NEBL: variants seen among roughly 807,000 people sequenced by gnomAD.
NEBL encodes LIM and SH3 protein 2.
A neutral mutation model predicts 140.2 loss-of-function variants in NEBL; 122 were observed. That is an observed-to-expected ratio of 0.87 (90% CI 0.75 to 1.01). The LOEUF (loss-of-function observed/expected upper bound fraction) is 1.01. Among genes scored for constraint, NEBL ranks in the 50% least tolerant of loss-of-function variants. The pLI is 0.00. For synonymous variants in NEBL, 436 were observed against 398.9 expected (o/e 1.09, Z -1.11); for missense variants, 1,365 against 1,231.3 (o/e 1.11, Z -1.62).
At chr10:20,842,162 T>C (rs1841463933) in intron 12 of NEBL, among the ~76,000 whole-genome samples, 1 of 152,098 alleles carries the variant, frequency 6.6e-6, no homozygotes, top group Non-Finnish European at 1.5e-5. Flanking sequence ...CCATTATAAT[T>C]AAATTAGCCT....
chr10:21,269,926 TG>T (rs1198363036), intron 1 of NEBL, among the ~76,000 whole-genome samples: 2 of 152,216 alleles, frequency 1.3e-5, no homozygotes, highest in African/African-American at 4.8e-5. Flanking sequence ...AATGGGTCAA[TG>T]TACGGAATTA....
At chr10:20,906,193 A>G (rs553366745) in intron 4 of NEBL, among the ~76,000 whole-genome samples, 21 of 152,142 alleles carry the variant, frequency 1.4e-4, no homozygotes, top group Admixed American at 5.2e-4. Context: ...ACACTTTTAC[A>G]TTTCTATAAT....
intron 2 of NEBL, among the ~76,000 whole-genome samples, chr10:21,028,515 T>C (rs897391563): frequency 2.8e-4 from 43 of 152,110 alleles, no homozygotes; most frequent in Non-Finnish European, 8.8e-5. Context: ...GTGTCTACTA[T>C]ATAGGATTTT....
chr10:21,291,887 A>G (rs1211999211), intron 1 of NEBL, among the ~76,000 whole-genome samples: 1 of 152,228 alleles, frequency 6.6e-6, no homozygotes, highest in African/African-American at 2.4e-5. Context: ...GCCAGGGAAC[A>G]GTGCGAGATT....
chr10:21,184,368 G>A (rs1179815997), intron 3 of NEBL, among the ~76,000 whole-genome samples: 1 of 152,158 alleles, frequency 6.6e-6, no homozygotes, highest in East Asian at 1.9e-4. Context: ...GAAAGATCTG[G>A]AAAGTGGTTT....
At chr10:21,260,504 T>C (rs1413771964) in intron 1 of NEBL, among the ~76,000 whole-genome samples, 1 of 152,238 alleles carries the variant, frequency 6.6e-6, no homozygotes, top group Non-Finnish European at 1.5e-5. Flanking sequence ...AGATCTGCTC[T>C]AGGATGCTGA....
At chr10:21,254,684 C>T (rs531676958) in intron 1 of NEBL, among the ~76,000 whole-genome samples, 92 of 152,166 alleles carry the variant, frequency 6.0e-4, no homozygotes, top group Admixed American at 1.0e-3. Context: ...GTTTAAGCAC[C>T]ACTGCAAGGA....
chr10:20,930,376 G>A (rs1437450646), intron 4 of NEBL, among the ~76,000 whole-genome samples: 1 of 152,096 alleles, frequency 6.6e-6, no homozygotes, highest in Admixed American at 6.5e-5. Flanking sequence ...CACCAGCTTA[G>A]TCCAAACCAC....
chr10:21,079,443 G>C (rs993547500), intron 2 of NEBL, among the ~76,000 whole-genome samples: 7 of 152,200 alleles, frequency 4.6e-5, no homozygotes, highest in African/African-American at 1.7e-4. Context: ...GAAAACTCAG[G>C]CTCACAGGGC....
At chr10:21,257,262 T>G (rs72793027) in intron 1 of NEBL, among the ~76,000 whole-genome samples, 6,401 of 152,234 alleles carry the variant, frequency 0.042, 193 homozygotes, top group Non-Finnish European at 0.064. Flanking sequence ...GCCCTGAGAT[T>G]CAGACATACC....
intron 6 of NEBL, 79 bp from the exon 7 acceptor site, chr10:20,868,844 AAAAAT>A (rs543006861): frequency 2.3e-4 from 222 of 945,434 alleles, no homozygotes; most frequent in African/African-American, 2.1e-3. Flanking sequence ...CAAAAAAAAA[AAAAAT>A]AACAGACCTT....
chr10:21,002,246 G>T (rs1490509192), intron 3 of NEBL, among the ~76,000 whole-genome samples: 1 of 151,842 alleles, frequency 6.6e-6, no homozygotes, highest in African/African-American at 2.4e-5. Context: ...CATAAAAAAA[G>T]TTATTCCTAA....
intron 3 of NEBL, among the ~76,000 whole-genome samples, chr10:21,214,741 T>C (rs1841967239): frequency 6.6e-6 from 1 of 152,112 alleles, no homozygotes; most frequent in Non-Finnish European, 1.5e-5. Flanking sequence ...AGTCAGAAAA[T>C]ATATAGTATG....
At chr10:20,810,841 T>A (rs1838069239) in intron 24 of NEBL, among the ~76,000 whole-genome samples, 1 of 152,224 alleles carries the variant, frequency 6.6e-6, no homozygotes, top group African/African-American at 2.4e-5. Context: ...TATTATGTAG[T>A]GCTGACCATA....
intron 2 of NEBL, among the ~76,000 whole-genome samples, chr10:21,113,630 G>T (rs1564515825): frequency 6.6e-6 from 1 of 151,996 alleles, no homozygotes; most frequent in Non-Finnish European, 1.5e-5. Context: ...ATGTTGCCCA[G>T]GTCCCATTGC....
chr10:20,804,112 AC>A lies in NEBL; in HGVS notation c.2761+4397del, dbSNP rs1837394724. Reference sequence around the variant, plus strand: ...TACAACAGTCAACAAAACAGCCAGTACCTCTGATCTTGTTGGGCATGCAGAG... The same window carrying A: ...TACAACAGTCAACAAAACAGCCAGTACTCTGATCTTGTTGGGCATGCAGAG... On this transcript the variant is annotated intron_variant, in intron 26 of 27. Transcript: ENST00000377122. Among the ~76,000 whole-genome samples, 6 of 152,250 alleles carry A rather than the reference AC, an allele frequency of 3.9e-5. No individual in the cohort carries two copies. The South Asian group carries it at 1.2e-3, about 32-fold the overall frequency.
chr10:21,215,647 TTTTTG>T (rs562057318), intron 3 of NEBL, among the ~76,000 whole-genome samples: 5 of 152,114 alleles, frequency 3.3e-5, no homozygotes, highest in African/African-American at 7.2e-5. Flanking sequence ...AGACTAGTTT[TTTTTG>T]TTTTGTTTTG....
At chr10:20,947,685 A>T (rs1322901448) in intron 4 of NEBL, among the ~76,000 whole-genome samples, 2 of 138,496 alleles carry the variant, frequency 1.4e-5, no homozygotes, top group Non-Finnish European at 3.1e-5. Flanking sequence ...GAGAAATCAC[A>T]CACACACACA....
At chr10:21,051,300 G>C (rs527401914) in intron 2 of NEBL, among the ~76,000 whole-genome samples, 4 of 152,122 alleles carry the variant, frequency 2.6e-5, no homozygotes, top group Non-Finnish European at 5.9e-5. Flanking sequence ...AAAAACAAAT[G>C]CATAAAATTA....
Sources: allele counts gnomAD v4.1 joint callset (sites outside exome capture counted in the v4.1 genomes callset), GRCh38; gene constraint gnomAD v4.1.1; transcripts MANE v1.5; gene names NCBI Gene and HGNC (gene_info 2026-07-23, HGNC 2026-07-21).